Variants in ZMAT4 observed in about 807,000 individuals in gnomAD.
ZMAT4 encodes the protein zinc finger matrin-type 4, also known as zinc finger matrin-type protein 4.
A neutral mutation model predicts 28.7 loss-of-function variants in ZMAT4; 17 were observed. That is an observed-to-expected ratio of 0.59 (90% CI 0.41 to 0.89). ZMAT4 has a LOEUF of 0.89. Among genes scored for constraint, ZMAT4 ranks in the 40% least tolerant of loss-of-function variants. ZMAT4 has a pLI of 0.00. For missense variants in ZMAT4, 240 were observed against 283.8 expected, an observed-to-expected ratio of 0.85 and a Z score of 1.11; for synonymous variants, 117 against 109.2, an observed-to-expected ratio of 1.07 and a Z score of -0.44.
intron 1 of ZMAT4, among the ~76,000 whole-genome samples, chr8:40,881,207 A>G (rs1456221443): frequency 6.6e-6 from 1 of 151,722 alleles, no homozygotes; most frequent in Non-Finnish European, 1.5e-5. Context: ...GCGAGTCCCC[A>G]TCTCTACAAA....
intron 6 of ZMAT4, among the ~76,000 whole-genome samples, chr8:40,567,985 T>C (rs989731058): frequency 6.6e-6 from 1 of 151,908 alleles, no homozygotes; most frequent in African/African-American, 2.4e-5. Flanking sequence ...AATAATAAAA[T>C]GAAAAATGCA....
chr8:40,634,738 C>A (rs1246638442), intron 5 of ZMAT4, among the ~76,000 whole-genome samples: 2 of 152,050 alleles, frequency 1.3e-5, no homozygotes, highest in Admixed American at 6.5e-5. Flanking sequence ...CTGATGATAC[C>A]TTATCACTTT....
chr8:40,857,049 A>C (rs958199863), intron 1 of ZMAT4, among the ~76,000 whole-genome samples: 2 of 152,210 alleles, frequency 1.3e-5, no homozygotes, highest in African/African-American at 4.8e-5. Context: ...TTTCAGCAGC[A>C]AAAGATCGAG....
chr8:40,774,749 G>A (rs186741182), intron 2 of ZMAT4, among the ~76,000 whole-genome samples: 65 of 151,686 alleles, frequency 4.3e-4, no homozygotes, highest in Middle Eastern at 6.9e-3. Context: ...AAACAAAAAC[G>A]TATATGCATC....
intron 5 of ZMAT4, among the ~76,000 whole-genome samples, chr8:40,658,659 C>T (rs1342288348): frequency 6.9e-6 from 1 of 145,096 alleles, no homozygotes; most frequent in Non-Finnish European, 1.5e-5. Context: ...CACACACACA[C>T]ACACAAACAC....
At chr8:40,881,331 G>T (rs1030122956) in intron 1 of ZMAT4, among the ~76,000 whole-genome samples, 1 of 151,070 alleles carries the variant, frequency 6.6e-6, no homozygotes, top group Non-Finnish European at 1.5e-5. Context: ...AGAGGTTTCA[G>T]TGAGCTGTGA....
chr8:40,560,087 G>A (rs1803684993), intron 6 of ZMAT4, among the ~76,000 whole-genome samples: 1 of 151,900 alleles, frequency 6.6e-6, no homozygotes, highest in Non-Finnish European at 1.5e-5. Context: ...GTTTGTCCAT[G>A]GCTTCCTGCC....
At chr8:40,781,545 G>A (rs1358501871) in intron 2 of ZMAT4, among the ~76,000 whole-genome samples, 2 of 151,422 alleles carry the variant, frequency 1.3e-5, no homozygotes, top group African/African-American at 4.8e-5. Flanking sequence ...GGCGGATCAC[G>A]AGGTCAGGAG....
At chr8:40,883,913 C>T (rs1818363947) in intron 1 of ZMAT4, among the ~76,000 whole-genome samples, 3 of 152,148 alleles carry the variant, frequency 2.0e-5, no homozygotes, top group Non-Finnish European at 2.9e-5. Flanking sequence ...TCATCCTGGC[C>T]TTATTAATTC....
chr8:40,890,567 G>A (rs185128278), intron 1 of ZMAT4, among the ~76,000 whole-genome samples: 1 of 152,070 alleles, frequency 6.6e-6, no homozygotes, highest in East Asian at 1.9e-4. Context: ...TTCTGAACTG[G>A]CCTCTCCCCT....
intron 2 of ZMAT4, among the ~76,000 whole-genome samples, chr8:40,785,106 AC>A (rs961910237): frequency 6.6e-6 from 1 of 152,170 alleles, no homozygotes; most frequent in African/African-American, 2.4e-5. Flanking sequence ...GCTGATTCTC[AC>A]CCCAGTTCCT....
intron 2 of ZMAT4, among the ~76,000 whole-genome samples, chr8:40,798,048 T>C (rs1474712950): frequency 1.3e-5 from 2 of 152,198 alleles, no homozygotes; most frequent in Non-Finnish European, 2.9e-5. Flanking sequence ...ACAGCCCAGC[T>C]TCCTAGCAGG....
At chr8:40,742,821 T>C (rs571172405) in intron 3 of ZMAT4, among the ~76,000 whole-genome samples, 1 of 151,644 alleles carries the variant, frequency 6.6e-6, no homozygotes, top group African/African-American at 2.4e-5. Context: ...TAGAAGACAA[T>C]TTCACAAACT....
At chr8:40,550,485 G>A (rs1029541856) in intron 6 of ZMAT4, among the ~76,000 whole-genome samples, 3 of 152,200 alleles carry the variant, frequency 2.0e-5, no homozygotes, top group Non-Finnish European at 2.9e-5. Flanking sequence ...AAGGCCTACT[G>A]ATATGGTTTG....
chr8:40,827,229 TGAGATAATA>T (rs1483284703), intron 1 of ZMAT4, among the ~76,000 whole-genome samples: 1 of 152,024 alleles, frequency 6.6e-6, no homozygotes, highest in Non-Finnish European at 1.5e-5. Flanking sequence ...ATATAAAAAT[TGAGATAATA>T]ATATTTACCA....
chr8:40,643,494 A>T (rs1268182477), intron 5 of ZMAT4, among the ~76,000 whole-genome samples: 1 of 152,204 alleles, frequency 6.6e-6, no homozygotes, highest in Admixed American at 6.5e-5. Flanking sequence ...ATACTTCTTT[A>T]GCGCATATCA....
intron 2 of ZMAT4, among the ~76,000 whole-genome samples, chr8:40,810,692 G>A (rs1012268816): frequency 1.3e-5 from 2 of 152,122 alleles, no homozygotes; most frequent in African/African-American, 2.4e-5. Flanking sequence ...AGAGCAAAAT[G>A]TTTACTAAAT....
At chr8:40,781,767 A>T (rs1813840696) in intron 2 of ZMAT4, among the ~76,000 whole-genome samples, 3 of 108,938 alleles carry the variant, frequency 2.8e-5, no homozygotes, top group East Asian at 4.8e-4. Context: ...GTCTCAAAAA[A>T]AAAAAAAAAA....
intron 1 of ZMAT4, among the ~76,000 whole-genome samples, chr8:40,846,849 G>C (rs554071987): frequency 5.5e-4 from 84 of 152,278 alleles, no homozygotes; most frequent in Admixed American, 2.2e-3. Flanking sequence ...AACACTAAAA[G>C]CATAATTCAG....
Sources: gnomAD v4.1 joint callset for allele counts (sites outside exome capture counted in the v4.1 genomes callset) on GRCh38, gnomAD v4.1.1 for gene constraint, MANE v1.5 for transcripts, NCBI Gene and HGNC (gene_info 2026-07-23, HGNC 2026-07-21) for gene names.